Variants in PHACTR4 observed in about 807,000 individuals in gnomAD.
PHACTR4 encodes the protein protein phosphatase 1, regulatory subunit 124.
In PHACTR4, 51 loss-of-function variants were observed where a neutral mutation model predicts 72.7. The ratio of observed to expected loss-of-function variants is 0.70; its 90% confidence interval spans 0.56 to 0.89. The LOEUF is 0.89. PHACTR4 is among the 40% of genes least tolerant of loss of function. The probability of loss-of-function intolerance (pLI) is 0.00; values close to 1 mark genes in which losing one functional copy is unlikely to be tolerated. For missense variants in PHACTR4, 731 were observed against 861.8 expected (o/e 0.85, Z 1.90); for synonymous variants, 255 against 302.5 (o/e 0.84, Z 1.63).
rs1350376285 is a variant in PHACTR4, at chr1:28,430,897, G to C, written c.16+23434G>C. On this transcript the variant is annotated intron_variant, in intron 2 of 13. Coordinates refer to ENST00000373839, the MANE Select transcript of PHACTR4 (RefSeq NM_001048183.3). ...TGTAAACTGCTTATTAAAAATATAG[G>C]CTGGGCACAGTGGCTCACTCCTGTA... Among the ~76,000 whole-genome samples, 3 of 152,040 alleles carry C rather than the reference G, an allele frequency of 2.0e-5. No individual in the cohort carries two copies. The East Asian group carries it at 5.8e-4, about 29-fold the overall frequency.
intron 1 of PHACTR4, among the ~76,000 whole-genome samples, chr1:28,380,577 T>C (rs1652088451): frequency 6.6e-6 from 1 of 152,150 alleles, no homozygotes; most frequent in Non-Finnish European, 1.5e-5. Context: ...CATCATGCAA[T>C]ATTTGGAACA....
chr1:28,390,644 T>G (rs1652937941), intron 1 of PHACTR4, among the ~76,000 whole-genome samples: 2 of 150,736 alleles, frequency 1.3e-5, no homozygotes, highest in African/African-American at 4.9e-5. Flanking sequence ...TACAAAAAAA[T>G]TAGCCGGGCG....
intron 2 of PHACTR4, among the ~76,000 whole-genome samples, chr1:28,455,749 G>C (rs1028436671): frequency 6.6e-6 from 1 of 152,092 alleles, no homozygotes; most frequent in African/African-American, 2.4e-5. Context: ...TCGGAGTCTT[G>C]GAAATAATGT....
At chr1:28,469,201 T>C (rs779645698) in intron 6 of PHACTR4, among the ~76,000 whole-genome samples, 11 of 152,178 alleles carry the variant, frequency 7.2e-5, no homozygotes, top group Non-Finnish European at 1.2e-4. Flanking sequence ...GTTTACTTAA[T>C]ATCAAGCCTT....
intron 2 of PHACTR4, among the ~76,000 whole-genome samples, chr1:28,411,846 C>T (rs1654810773): frequency 6.8e-6 from 1 of 147,432 alleles, no homozygotes; most frequent in Non-Finnish European, 1.5e-5. Context: ...ACAGAAACCA[C>T]CCAAAAGAAA....
At chr1:28,430,251 G>T (rs1465264680) in intron 2 of PHACTR4, among the ~76,000 whole-genome samples, 2 of 152,040 alleles carry the variant, frequency 1.3e-5, no homozygotes, top group African/African-American at 4.8e-5. Context: ...GTCTTGATCT[G>T]CTGACCTCGT....
chr1:28,388,864 C>T (rs1652786091), intron 1 of PHACTR4, among the ~76,000 whole-genome samples: 1 of 151,782 alleles, frequency 6.6e-6, no homozygotes, highest in African/African-American at 2.4e-5. Flanking sequence ...AAAAAATCAA[C>T]TCAAAATGGA....
intron 2 of PHACTR4, among the ~76,000 whole-genome samples, chr1:28,449,812 A>T (rs1280086596): frequency 6.6e-6 from 1 of 151,742 alleles, no homozygotes; most frequent in Non-Finnish European, 1.5e-5. Flanking sequence ...AGATCGTGCC[A>T]TTGCCCTCCA....
chr1:28,491,849 C>T (rs1661058741), intron 12 of PHACTR4, 62 bp downstream of exon 12: 2 of 1,551,786 alleles, frequency 1.3e-6, no homozygotes, highest in Non-Finnish European at 8.7e-7. Context: ...TTTGGAGGAT[C>T]CAAGATACTA....
chr1:28,380,548 C>G (rs1652085771), intron 1 of PHACTR4, among the ~76,000 whole-genome samples: 1 of 152,140 alleles, frequency 6.6e-6, no homozygotes, highest in Non-Finnish European at 1.5e-5. Flanking sequence ...TGTTGTTCCC[C>G]TCTGTGTCCA....
At chr1:28,493,173 A>T (rs1246703176) in intron 13 of PHACTR4, 82 bp downstream of exon 13, 3 of 1,161,058 alleles carry the variant, frequency 2.6e-6, no homozygotes, top group Non-Finnish European at 3.8e-6. Flanking sequence ...CTCTAATGAC[A>T]TCAGTAAAAA....
chr1:28,452,916 C>A (rs988927996), intron 2 of PHACTR4, among the ~76,000 whole-genome samples: 1 of 152,132 alleles, frequency 6.6e-6, no homozygotes, highest in African/African-American at 2.4e-5. Context: ...GTCAGGAGCT[C>A]GAGACCAGCC....
intron 2 of PHACTR4, among the ~76,000 whole-genome samples, chr1:28,422,968 T>A (rs1046548566): frequency 6.6e-6 from 1 of 152,228 alleles, no homozygotes; most frequent in African/African-American, 2.4e-5. Context: ...TTTGTAGTTT[T>A]AGTAGAGACG....
intron 2 of PHACTR4, among the ~76,000 whole-genome samples, chr1:28,428,582 C>T (rs1656021456): frequency 1.3e-5 from 2 of 152,096 alleles, no homozygotes; most frequent in Admixed American, 1.3e-4. Flanking sequence ...AATAAAAGTC[C>T]AACATATTGT....
chr1:28,441,930 T>C (rs1657063560), intron 2 of PHACTR4, among the ~76,000 whole-genome samples: 1 of 152,122 alleles, frequency 6.6e-6, no homozygotes, highest in South Asian at 2.1e-4. Flanking sequence ...AGGTTGAGGC[T>C]GCAGTGACTC....
intron 2 of PHACTR4, among the ~76,000 whole-genome samples, chr1:28,450,288 CTTT>C (rs774519813): frequency 6.4e-5 from 9 of 139,958 alleles, no homozygotes; most frequent in East Asian, 2.1e-4. Context: ...GGAAAACTAC[CTTT>C]TTTTTTTTTT....
chr1:28,494,696 G>A (rs1318933717), intron 13 of PHACTR4, among the ~76,000 whole-genome samples: 1 of 152,226 alleles, frequency 6.6e-6, no homozygotes. Context: ...CGATGGGAGA[G>A]AGGAAAACAC....
chr1:28,446,710 C>T lies in PHACTR4; in HGVS notation c.17-12375C>T, dbSNP rs1359244774. On this transcript the variant is annotated intron_variant, in intron 2 of 13. Transcript: ENST00000373839. ...AGGAGAATCCCTTGAACCCTGGAGG[C>T]GGAGGTTGTCGTGAGCCAGGATTGC... Among the ~76,000 whole-genome samples the T allele has an allele frequency of 2.0e-5, 3 of 152,056 alleles. 1 individual carries two copies. The highest frequency in any genetic ancestry group is 4.2e-4 in the South Asian group (2 of 4,814).
intron 2 of PHACTR4, among the ~76,000 whole-genome samples, chr1:28,423,408 C>CAAATAAATAAATAAATAAAT (rs148724281): frequency 1.9e-3 from 277 of 147,680 alleles, no homozygotes; most frequent in African/African-American, 6.7e-3. Flanking sequence ...GATCCTGCCT[C>CAAATAAATAAATAAATAAAT]AAATAAATAA....
Sources: allele counts gnomAD v4.1 joint callset (sites outside exome capture counted in the v4.1 genomes callset), GRCh38; gene constraint gnomAD v4.1.1; transcripts MANE v1.5; gene names NCBI Gene and HGNC (gene_info 2026-07-23, HGNC 2026-07-21).